NFIB: variants seen among roughly 807,000 people sequenced by gnomAD.
The protein encoded by NFIB is nuclear factor I B.
In NFIB, 11 loss-of-function variants were observed where a neutral mutation model predicts 61.5. The observed-to-expected ratio is 0.18, with a 90% CI of 0.11 to 0.30. The LOEUF is 0.30. Ranked by LOEUF, NFIB falls within the 10% of genes least tolerant of loss-of-function variation. The pLI is 1.00. For missense variants in NFIB, 471 were observed against 608.9 expected (o/e 0.77, Z 2.38); for synonymous variants, 260 against 216.5 (o/e 1.20, Z -1.76).
chr9:14,525,847 G>A, the NFIB span, among the ~76,000 whole-genome samples: 23 of 152,160 alleles, frequency 1.5e-4, no homozygotes, highest in African/African-American at 3.9e-4. Flanking sequence ...ATAACACACC[G>A]TGTTATTTGT....
At chr9:14,238,993 C>T (rs996829658) in intron 2 of NFIB, among the ~76,000 whole-genome samples, 5 of 152,248 alleles carry the variant, frequency 3.3e-5, no homozygotes, top group African/African-American at 1.2e-4. Flanking sequence ...AAGTACATCA[C>T]ATGATAATTA....
chr9:14,467,247 C>G, the NFIB span, among the ~76,000 whole-genome samples: 3 of 152,324 alleles, frequency 2.0e-5, no homozygotes, highest in South Asian at 6.2e-4. Flanking sequence ...CTAAAGAGAA[C>G]TGGCTTCATT....
intron 2 of NFIB, among the ~76,000 whole-genome samples, chr9:14,191,080 C>A (rs1016235186): frequency 6.6e-6 from 1 of 152,076 alleles, no homozygotes; most frequent in Non-Finnish European, 1.5e-5. Flanking sequence ...GTAGTCCCAG[C>A]TACTTGGGAG....
intron 2 of NFIB, among the ~76,000 whole-genome samples, chr9:14,235,609 T>C (rs2053660242): frequency 6.6e-6 from 1 of 152,170 alleles, no homozygotes; most frequent in African/African-American, 2.4e-5. Context: ...AGTTAATTTA[T>C]TTCTTATTTT....
chr9:14,476,066 G>A, the NFIB span, among the ~76,000 whole-genome samples: 7 of 152,142 alleles, frequency 4.6e-5, no homozygotes, highest in Non-Finnish European at 8.8e-5. Flanking sequence ...AATGCCACAT[G>A]TCAATAGGAG....
intron 10 of NFIB, among the ~76,000 whole-genome samples, chr9:14,092,983 TG>T (rs1273412716): frequency 6.6e-6 from 1 of 152,094 alleles, no homozygotes; most frequent in Non-Finnish European, 1.5e-5. Flanking sequence ...TTTCTGGTTA[TG>T]TTTTTTTAAA....
intron 2 of NFIB, among the ~76,000 whole-genome samples, chr9:14,294,274 A>G (rs1208064651): frequency 6.6e-6 from 1 of 152,234 alleles, no homozygotes; most frequent in Non-Finnish European, 1.5e-5. Flanking sequence ...ACTATAAGTC[A>G]TATCCTAAAA....
intron 1 of NFIB, among the ~76,000 whole-genome samples, chr9:14,368,665 A>G (rs1398568629): frequency 6.6e-6 from 1 of 152,160 alleles, no homozygotes; most frequent in Non-Finnish European, 1.5e-5. Flanking sequence ...TTCAGTTTTG[A>G]TTATCTTCAT....
chr9:14,184,910 C>T (rs181939254), intron 2 of NFIB, among the ~76,000 whole-genome samples: 2 of 152,178 alleles, frequency 1.3e-5, no homozygotes, highest in Non-Finnish European at 2.9e-5. Flanking sequence ...GTAATCCCAG[C>T]TACTTGAGAG....
At chr9:14,121,096 C>G (rs2038872842) in intron 7 of NFIB, among the ~76,000 whole-genome samples, 1 of 152,094 alleles carries the variant, frequency 6.6e-6, no homozygotes, top group African/African-American at 2.4e-5. Flanking sequence ...AACCCCATCG[C>G]TACTGAAAAT....
chr9:14,144,271 A>C (rs1384641391), intron 6 of NFIB, among the ~76,000 whole-genome samples: 3 of 152,054 alleles, frequency 2.0e-5, no homozygotes, highest in Non-Finnish European at 2.9e-5. Flanking sequence ...ACAAAGTGAC[A>C]CTCTCTATAA....
chr9:14,312,273 T>C (rs114560870), intron 1 of NFIB, among the ~76,000 whole-genome samples: 7 of 152,358 alleles, frequency 4.6e-5, no homozygotes, highest in Non-Finnish European at 7.3e-5. Context: ...TGTCATACAA[T>C]TGAAATCTTA....
At chr9:14,458,428 C>A in the NFIB span, among the ~76,000 whole-genome samples, 2 of 152,212 alleles carry the variant, frequency 1.3e-5, no homozygotes, top group Non-Finnish European at 2.9e-5. Flanking sequence ...TGGGCAATAT[C>A]TGGAAGCATT....
In NFIB at chr9:14,313,231, C is replaced by T. The variant is rs1435901122; in HGVS notation, c.30+251G>A. Among the ~76,000 whole-genome samples the T allele has an allele frequency of 1.3e-5, 2 of 151,704 alleles. No individual in the cohort carries two copies. Among genetic ancestry groups the T allele is most frequent in the Non-Finnish European group, 2.9e-5 (2 of 67,914 alleles). On this transcript the variant is annotated intron_variant, in intron 1 of 10. Transcript: ENST00000380953. The surrounding 1 kb of genome is among the most constrained non-coding windows in gnomAD (Gnocchi z 4.5). ...TACAGGTCCCGGCCCTGCCCACCCC[C>T]CGGCGGCCTTGCCCGGCCCAGCGCC...
intron 9 of NFIB, among the ~76,000 whole-genome samples, chr9:14,115,028 G>C (rs556281787): frequency 6.6e-6 from 1 of 152,256 alleles, no homozygotes; most frequent in Non-Finnish European, 1.5e-5. Flanking sequence ...AGTATTCTAA[G>C]CATTAAGAAT....
the NFIB span, among the ~76,000 whole-genome samples, chr9:14,459,845 G>C: frequency 6.6e-6 from 1 of 150,730 alleles, no homozygotes; most frequent in African/African-American, 2.4e-5. Context: ...TTAGAATGGC[G>C]ATCATTAAAA....
chr9:14,442,612 T>A, the NFIB span, among the ~76,000 whole-genome samples: 3,188 of 152,154 alleles, frequency 0.021, 52 homozygotes, highest in Middle Eastern at 0.037. Flanking sequence ...TTGCTGGTAA[T>A]CTTTGGCGGT....
chr9:14,206,375 C>A (rs1048763482), intron 2 of NFIB, among the ~76,000 whole-genome samples: 3 of 151,840 alleles, frequency 2.0e-5, no homozygotes, highest in African/African-American at 7.3e-5. Context: ...CACCATGCTG[C>A]CCAGGCTGGT....
chr9:14,437,679 C>A, the NFIB span, among the ~76,000 whole-genome samples: 51,230 of 152,008 alleles, frequency 0.34, 9,691 homozygotes, highest in Admixed American at 0.48. Context: ...CAGGAGGGCC[C>A]GGGACCGGAG....
Sources: allele counts gnomAD v4.1 joint callset (sites outside exome capture counted in the v4.1 genomes callset), GRCh38; gene constraint gnomAD v4.1.1; non-coding constraint Gnocchi (gnomAD v3.1); transcripts MANE v1.5; gene names NCBI Gene and HGNC (gene_info 2026-07-23, HGNC 2026-07-21).